Variants in PBX1 observed in about 807,000 individuals in gnomAD.
PBX1 encodes PBX homeobox 1.
In PBX1, 6 loss-of-function variants were observed where a neutral mutation model predicts 53.4. The observed-to-expected ratio is 0.11, with a 90% CI of 0.06 to 0.22. The LOEUF is 0.22. PBX1 is among the 10% of genes least tolerant of loss of function. PBX1 has a pLI of 1.00. For synonymous variants in PBX1, 204 were observed against 212.3 expected (o/e 0.96, Z 0.34); for missense variants, 251 against 551.4 (o/e 0.46, Z 5.46).
intron 1 of PBX1, chr1:164,562,666 C>T (rs1001600117): frequency 6.6e-6 from 1 of 152,154 alleles, no homozygotes; most frequent in Non-Finnish European, 1.5e-5. Flanking sequence ...TATGTTTGCC[C>T]CCTGGCAATG....
chr1:164,853,630 T>C (rs372152622), downstream of PBX1, among the ~76,000 whole-genome samples: 1 of 151,776 alleles, frequency 6.6e-6, no homozygotes, highest in East Asian at 1.9e-4. Context: ...TCCGACGTTC[T>C]CCAAATGTTG....
chr1:164,722,164 T>A (rs181078687), intron 2 of PBX1, among the ~76,000 whole-genome samples: 1 of 152,184 alleles, frequency 6.6e-6, no homozygotes, highest in Non-Finnish European at 1.5e-5. Context: ...CTGCAACCAT[T>A]TTCTGTTACA....
At chr1:164,643,699 A>T (rs2792263) in intron 2 of PBX1, among the ~76,000 whole-genome samples, 137,987 of 152,264 alleles carry the variant, frequency 0.91, 64,131 homozygotes, top group East Asian at 1. Context: ...ATTTTATATG[A>T]ATTAATCTAA....
At chr1:164,645,120 A>G (rs1659376453) in intron 2 of PBX1, among the ~76,000 whole-genome samples, 1 of 152,138 alleles carries the variant, frequency 6.6e-6, no homozygotes, top group Non-Finnish European at 1.5e-5. Context: ...CTTTCTACCC[A>G]TGAGTCATCC....
chr1:164,670,906 A>G (rs1661077317), intron 2 of PBX1, among the ~76,000 whole-genome samples: 1 of 152,212 alleles, frequency 6.6e-6, no homozygotes, highest in Non-Finnish European at 1.5e-5. Flanking sequence ...GCAGTGCCTT[A>G]TCTAATGCAA....
At chr1:164,834,201 A>T (rs1198219938) in intron 8 of PBX1, among the ~76,000 whole-genome samples, 1 of 151,636 alleles carries the variant, frequency 6.6e-6, no homozygotes, top group Admixed American at 6.6e-5. Context: ...TGTTTAGTAG[A>T]TGTTTTCTTG....
At chr1:164,638,229 C>G (rs151043499) in intron 2 of PBX1, among the ~76,000 whole-genome samples, 1 of 152,214 alleles carries the variant, frequency 6.6e-6, no homozygotes, top group Admixed American at 6.5e-5. Context: ...CAGATTTCTG[C>G]GCCTCTTCCT....
At chr1:164,718,882 G>A (rs995281513) in intron 2 of PBX1, among the ~76,000 whole-genome samples, 1 of 152,142 alleles carries the variant, frequency 6.6e-6, no homozygotes, top group Non-Finnish European at 1.5e-5. Context: ...GCATAATTTT[G>A]GTCTCTTAAA....
intron 2 of PBX1, among the ~76,000 whole-genome samples, chr1:164,692,708 T>C (rs1235575216): frequency 6.6e-6 from 1 of 151,618 alleles, no homozygotes; most frequent in East Asian, 1.9e-4. Flanking sequence ...CAATGTATGG[T>C]GATCATAATG....
chr1:164,870,891 A>G (rs1029268906), intron 2 of PBX1, among the ~76,000 whole-genome samples: 9 of 152,184 alleles, frequency 5.9e-5, no homozygotes, highest in African/African-American at 2.2e-4. Context: ...AGTTGCAGGG[A>G]CAGATCAGAG....
intron 8 of PBX1, among the ~76,000 whole-genome samples, chr1:164,841,250 G>T (rs1303794966): frequency 1.3e-5 from 2 of 152,142 alleles, no homozygotes; most frequent in Non-Finnish European, 2.9e-5. Flanking sequence ...AGGTGTGAGT[G>T]AGATGTAATT....
chr1:164,782,206 G>C (rs559998100), intron 2 of PBX1, among the ~76,000 whole-genome samples: 2 of 152,316 alleles, frequency 1.3e-5, no homozygotes, highest in South Asian at 4.1e-4. Context: ...CCGGGGGATG[G>C]GGGAGCTGCA....
At chr1:164,573,046 A>G (rs1346543441) in intron 2 of PBX1, among the ~76,000 whole-genome samples, 1 of 152,228 alleles carries the variant, frequency 6.6e-6, no homozygotes, top group Non-Finnish European at 1.5e-5. Context: ...AGAATCTCAC[A>G]GAACAGTGCT....
At chr1:164,769,112 A>G (rs952646715) in intron 2 of PBX1, 2 of 152,224 alleles carry the variant, frequency 1.3e-5, no homozygotes, top group East Asian at 1.9e-4. Flanking sequence ...CAGCCATTCA[A>G]ATTGATTCGA....
At chr1:164,746,654 C>T (rs953900359) in intron 2 of PBX1, among the ~76,000 whole-genome samples, 6 of 152,066 alleles carry the variant, frequency 3.9e-5, no homozygotes, top group Non-Finnish European at 7.4e-5. Flanking sequence ...GTGATCCACC[C>T]GCCTCAGCCT....
chr1:164,866,479 C>T (rs567422826), intron 2 of PBX1, among the ~76,000 whole-genome samples: 2 of 152,332 alleles, frequency 1.3e-5, no homozygotes, highest in East Asian at 3.9e-4. Flanking sequence ...TGACCCAAAG[C>T]CACTGTGCCA....
intron 2 of PBX1, chr1:164,770,093 A>G (rs1667287139): frequency 6.6e-6 from 1 of 152,238 alleles, no homozygotes. Context: ...CAGCATAGAC[A>G]ATGTAGGTGA....
intron 2 of PBX1, among the ~76,000 whole-genome samples, chr1:164,884,134 A>G (rs2102469017): frequency 6.6e-6 from 1 of 152,376 alleles, no homozygotes; most frequent in South Asian, 2.1e-4. Flanking sequence ...CACGGGTAAT[A>G]ATAACTATTT....
intron 2 of PBX1, among the ~76,000 whole-genome samples, chr1:164,677,686 G>A (rs1037488744): frequency 5.3e-5 from 8 of 152,034 alleles, no homozygotes; most frequent in African/African-American, 1.9e-4. Context: ...GAAGAAATGG[G>A]GCAGGAACAG....
Sources: gnomAD v4.1 joint callset for allele counts (sites outside exome capture counted in the v4.1 genomes callset) on GRCh38, gnomAD v4.1.1 for gene constraint, MANE v1.5 for transcripts, NCBI Gene and HGNC (gene_info 2026-07-23, HGNC 2026-07-21) for gene names.